Variants in HYDIN observed in about 807,000 individuals in gnomAD.
The protein encoded by HYDIN is HYDIN axonemal central pair apparatus protein.
Under a neutral mutation model 403.9 loss-of-function variants are expected in HYDIN, and 132 were observed. That is an observed-to-expected ratio of 0.33 (90% CI 0.28 to 0.38). The LOEUF is 0.38. HYDIN is among the 10% of genes least tolerant of loss of function. The pLI is 1.00. For synonymous variants in HYDIN, 1,202 were observed against 1,891.7 expected, an observed-to-expected ratio of 0.64 and a Z score of 9.46; for missense variants, 2,827 against 5,009.5, an observed-to-expected ratio of 0.56 and a Z score of 13.15.
At chr16:71,183,923 C>G (rs1597973283) in intron 3 of HYDIN, among the ~76,000 whole-genome samples, 1 of 152,090 alleles carries the variant, frequency 6.6e-6, no homozygotes, top group East Asian at 1.9e-4. Context: ...ACATGAAAAA[C>G]TCCTCATAGC....
At chr16:70,982,671 T>A (rs1204728275) in intron 28 of HYDIN, among the ~76,000 whole-genome samples, 1 of 148,968 alleles carries the variant, frequency 6.7e-6, no homozygotes, top group East Asian at 1.9e-4. Flanking sequence ...TACGATTAAT[T>A]CAATATTAGT....
Position 70,804,444 on chromosome 16 carries a change from G to T in HYDIN, c.*3136C>A, listed in dbSNP as rs919585116. Among the ~76,000 whole-genome samples, 1 of 152,162 alleles carries T rather than the reference G, an allele frequency of 6.6e-6. No homozygotes were observed. The highest frequency in any genetic ancestry group is 1.5e-5 in the Non-Finnish European group (1 of 68,038). ...GAGTTCTGGACTGGGGTTTTTAAGG[G>T]GATCCTGGAGGGTGAAGGGCTGAAA... On this transcript the variant is annotated 3_prime_UTR_variant, in exon 86 of 86. Transcript: ENST00000393567.
At chr16:71,085,193 C>T (rs544605522) in intron 12 of HYDIN, among the ~76,000 whole-genome samples, 5 of 84,670 alleles carry the variant, frequency 5.9e-5, no homozygotes, top group Non-Finnish European at 1.2e-4. Context: ...CTTCATTAAA[C>T]ATTCAGTAGA....
intron 7 of HYDIN, among the ~76,000 whole-genome samples, chr16:71,141,245 TAAAA>T (rs56731678): frequency 7.1e-6 from 1 of 140,936 alleles, no homozygotes; most frequent in Non-Finnish European, 1.6e-5. Flanking sequence ...GACATATTTG[TAAAA>T]AAAAAAAAAG....
At chr16:71,113,048 T>C in intron 10 of HYDIN, among the ~76,000 whole-genome samples, 1 of 150,352 alleles carries the variant, frequency 6.7e-6, no homozygotes, top group African/African-American at 2.5e-5. Flanking sequence ...GGTGGTTATA[T>C]GACTATTTAG....
intron 5 of HYDIN, among the ~76,000 whole-genome samples, chr16:71,168,121 C>G (rs1203610919): frequency 1.7e-4 from 26 of 151,724 alleles, no homozygotes; most frequent in Non-Finnish European, 4.4e-5. Flanking sequence ...AGTTCGGGAC[C>G]AGCCTGGCCA....
intron 1 of HYDIN, among the ~76,000 whole-genome samples, chr16:71,225,029 G>A (rs1022647548): frequency 3.9e-5 from 6 of 152,184 alleles, no homozygotes; most frequent in Admixed American, 3.3e-4. Flanking sequence ...CTTAAGGTAA[G>A]AGGAGGCACC....
At position 71,064,795 on chromosome 16, in the gene HYDIN, A is replaced by G. The variant is rs749191711; in HGVS notation, c.2121T>C (p.Phe707=). The change falls in exon 16 of 86, where the codon TTT becomes TTC. Residue 707 remains phenylalanine (F), a synonymous_variant. Coordinates refer to ENST00000393567, the MANE Select transcript of HYDIN (RefSeq NM_001270974.2). ...ACGGGTACTTCAGGAAGCAGTGCCC[A>G]AAGTCCACCTCTGTATTGACCAGGT... is the stretch of plus-strand genomic sequence containing the variant. ...ALHLVNTEVD[F]GHCFLKYPYE... 1.3e-5 allele frequency: 21 copies of G among 1,613,580 alleles called. No individual in the cohort carries two copies. The South Asian group carries it at 2.3e-4, about 18-fold the overall frequency.
chr16:71,126,519 C>G (rs1263959928), intron 9 of HYDIN, among the ~76,000 whole-genome samples: 1 of 152,136 alleles, frequency 6.6e-6, no homozygotes, highest in African/African-American at 2.4e-5. Flanking sequence ...AGCTGTCAGT[C>G]GTGGTAATCT....
chr16:71,093,713 A>T, intron 11 of HYDIN, 104 bp downstream of exon 11: 1 of 1,349,196 alleles, frequency 7.4e-7, no homozygotes, highest in Non-Finnish European at 9.9e-7. Context: ...ACGGCGAATA[A>T]ATGTGATTGC....
At chr16:71,191,111 T>C (rs1298809074) in intron 1 of HYDIN, among the ~76,000 whole-genome samples, 1 of 152,204 alleles carries the variant, frequency 6.6e-6, no homozygotes. Context: ...TAATGGATGA[T>C]ATAAAATAAT....
intron 77 of HYDIN, among the ~76,000 whole-genome samples, chr16:70,836,341 C>T (rs1012042580): frequency 2.6e-5 from 4 of 152,076 alleles, no homozygotes; most frequent in African/African-American, 9.7e-5. Context: ...TCTTGCAAGG[C>T]CTTTTAGGCC....
chr16:71,118,110 A>G (rs1172382476), intron 9 of HYDIN, among the ~76,000 whole-genome samples: 1 of 152,108 alleles, frequency 6.6e-6, no homozygotes, highest in Non-Finnish European at 1.5e-5. Flanking sequence ...TAGACACAGC[A>G]CTTACTGTAA....
intron 75 of HYDIN, among the ~76,000 whole-genome samples, chr16:70,841,965 T>C (rs2037857704): frequency 6.6e-6 from 1 of 150,594 alleles, no homozygotes; most frequent in Admixed American, 6.6e-5. Flanking sequence ...CCCATCTTTC[T>C]ATCAATCACC....
intron 18 of HYDIN, among the ~76,000 whole-genome samples, chr16:71,050,658 AG>A (rs1175849263): frequency 6.6e-6 from 1 of 151,764 alleles, no homozygotes; most frequent in African/African-American, 2.4e-5. Flanking sequence ...TAGCCTCTTC[AG>A]GTTGGCTTCT....
chr16:71,227,976 G>C (rs1363350399), intron 1 of HYDIN, among the ~76,000 whole-genome samples: 16 of 152,004 alleles, frequency 1.1e-4, no homozygotes, highest in Non-Finnish European at 2.1e-4. Context: ...TAGACCAATG[G>C]AACAGAACGG....
intron 52 of HYDIN, among the ~76,000 whole-genome samples, chr16:70,902,821 A>ATATATTTTTTTTTTTTTTTTTTT: frequency 1.3e-4 from 6 of 47,298 alleles, no homozygotes; most frequent in South Asian, 7.5e-4. Context: ...ATATATATAT[A>ATATATTTTTTTTTTTTTTTTTTT]TTTTTTTTTT....
chr16:70,863,448 C>T (rs925887948), intron 67 of HYDIN, among the ~76,000 whole-genome samples: 10 of 152,146 alleles, frequency 6.6e-5, no homozygotes, highest in Admixed American at 2.0e-4. Context: ...CCCTGTGCAG[C>T]GAGCTCTCAG....
At chr16:70,885,754 G>A (rs1482321369) in intron 58 of HYDIN, among the ~76,000 whole-genome samples, 1 of 152,118 alleles carries the variant, frequency 6.6e-6, no homozygotes, top group Non-Finnish European at 1.5e-5. Context: ...AAAAAAATCT[G>A]TAGAAGAGAT....
Sources: gnomAD v4.1 joint callset for allele counts (sites outside exome capture counted in the v4.1 genomes callset) on GRCh38, gnomAD v4.1.1 for gene constraint, MANE v1.5 for transcripts, NCBI Gene and HGNC (gene_info 2026-07-23, HGNC 2026-07-21) for gene names.